ATXN8OS: variants seen among roughly 807,000 people sequenced by gnomAD.
ATXN8OS encodes the protein ATXN8 opposite strand (non-protein coding).
intron 4 of ATXN8OS, among the ~76,000 whole-genome samples, chr13:70,167,893 T>A (rs566440113): frequency 6.6e-6 from 1 of 151,746 alleles, no homozygotes; most frequent in African/African-American, 2.4e-5. Flanking sequence ...GTGCCGCCAC[T>A]CCTGACTAAT....
intron 4 of ATXN8OS, among the ~76,000 whole-genome samples, chr13:70,153,708 C>G (rs1888901402): frequency 1.3e-5 from 2 of 152,260 alleles, no homozygotes; most frequent in South Asian, 4.1e-4. Flanking sequence ...CACACAGGGT[C>G]TTGCTCTGTG....
At chr13:70,149,927 G>A (rs1023508768) in intron 4 of ATXN8OS, among the ~76,000 whole-genome samples, 5 of 152,050 alleles carry the variant, frequency 3.3e-5, no homozygotes, top group Non-Finnish European at 7.4e-5. Context: ...AGGAAACAAT[G>A]AAGGCAGAGA....
intron 2 of ATXN8OS, among the ~76,000 whole-genome samples, chr13:70,124,893 T>C (rs2137478219): frequency 6.6e-6 from 1 of 151,682 alleles, no homozygotes; most frequent in South Asian, 2.1e-4. Flanking sequence ...TTCTTTATTC[T>C]CTTTCATTTA....
chr13:70,168,067 T>C (rs1043559876), intron 4 of ATXN8OS, among the ~76,000 whole-genome samples: 1 of 152,114 alleles, frequency 6.6e-6, no homozygotes, highest in Non-Finnish European at 1.5e-5. Context: ...CTTATAAGCA[T>C]TGGGCATTAC....
At chr13:70,118,599 A>T (rs8002227) in intron 2 of ATXN8OS, among the ~76,000 whole-genome samples, 74,106 of 151,832 alleles carry the variant, frequency 0.49, 18,454 homozygotes, top group East Asian at 0.68. Context: ...AAATTTTTTT[A>T]AAAAATTAAT....
At chr13:70,163,703 A>AT (rs1021750711) in intron 4 of ATXN8OS, among the ~76,000 whole-genome samples, 1 of 151,924 alleles carries the variant, frequency 6.6e-6, no homozygotes, top group African/African-American at 2.4e-5. Context: ...ATTTGAGGCT[A>AT]TTTTTTACAA....
rs200351603 is a variant in ATXN8OS at position 70,160,823 on chromosome 13, ATATATT to A, written n.574-8924_574-8919del. ...ATATTTATTATAAATATATATAAAT[ATATATT>A]TATATATATAAATATATTTATATTT... is the stretch of plus-strand genomic sequence containing the variant. On this transcript the variant is annotated intron_variant and non_coding_transcript_variant, in intron 4 of 4. Transcript: ENST00000678624. 5.2e-3 allele frequency among the ~76,000 whole-genome samples: 356 copies of A among 68,354 alleles called. 26 individuals are homozygous for A. Among genetic ancestry groups the A allele is most frequent in the African/African-American group, 8.4e-3 (222 of 26,314 alleles). The allele number at this position is 68,354 out of a possible 152,430, so 44.8% of individuals were successfully genotyped here.
intron 4 of ATXN8OS, among the ~76,000 whole-genome samples, chr13:70,153,620 A>C (rs1420098118): frequency 1.3e-5 from 2 of 152,144 alleles, no homozygotes; most frequent in African/African-American, 4.8e-5. Flanking sequence ...AAATTTTGGA[A>C]TTAGCATAAT....
At chr13:70,115,149 G>C (rs956846254) in exon 2 of ATXN8OS, 14 of 398,240 alleles carry the variant, frequency 3.5e-5, no homozygotes, top group Non-Finnish European at 5.8e-5. Context: ...AGTTCTGGAG[G>C]CTGGGAAGTT....
At chr13:70,128,787 T>C (rs1446502018) in intron 2 of ATXN8OS, among the ~76,000 whole-genome samples, 1 of 152,050 alleles carries the variant, frequency 6.6e-6, no homozygotes, top group Non-Finnish European at 1.5e-5. Flanking sequence ...CTTTAAGGTA[T>C]CTTATGTGTA....
chr13:70,146,832 T>C lies in ATXN8OS; in HGVS notation n.500-523T>C, dbSNP rs569011259. Among the ~76,000 whole-genome samples the C allele has an allele frequency of 4.6e-5, 7 of 152,104 alleles. No individual in the cohort carries two copies. In the South Asian group the frequency reaches 1.2e-3, roughly 27 times the overall value. ...TAATGCTAAATGACAAGTTAATGGG[T>C]GCAGCACACCAGCATGGCACATGTA... On this transcript the variant is annotated intron_variant and non_coding_transcript_variant, in intron 3 of 4. Transcript: ENST00000678624.
chr13:70,139,215 A>G (rs9542185), intron 3 of ATXN8OS: 9,033 of 446,678 alleles, frequency 0.02, 117 homozygotes, highest in Non-Finnish European at 0.027. Context: ...ATTCTCTACT[A>G]TTTCCTCATT....
rs112511849 is a variant in ATXN8OS at position 70,161,195 on chromosome 13, G to A, written n.574-8558G>A. Among the ~76,000 whole-genome samples, 1,051 of 151,596 alleles carry A rather than the reference G, an allele frequency of 6.9e-3. 11 individuals carry two copies. The highest frequency in any genetic ancestry group is 0.023 in the African/African-American group (938 of 41,310). On this transcript the variant is annotated intron_variant and non_coding_transcript_variant, in intron 4 of 4. Coordinates refer to ENST00000678624, the Ensembl canonical transcript of ATXN8OS. ...AGGTTAAACTGAAAAATTACCCACT[G>A]TCATACAGAGTGTTCCCATATAGCA...
chr13:70,147,089 C>CATATCCA (rs1339444122), intron 3 of ATXN8OS, among the ~76,000 whole-genome samples: 2 of 152,022 alleles, frequency 1.3e-5, no homozygotes, highest in Admixed American at 6.6e-5. Flanking sequence ...TGAAAAGCTA[C>CATATCCA]AAGTGGATTC....
chr13:70,138,868 G>A (rs536778989), intron 3 of ATXN8OS, among the ~76,000 whole-genome samples: 8 of 152,058 alleles, frequency 5.3e-5, no homozygotes, highest in Admixed American at 3.9e-4. Flanking sequence ...TTTATACCAA[G>A]TAGTTATAGT....
At chr13:70,118,399 T>C (rs1021477175) in intron 2 of ATXN8OS, among the ~76,000 whole-genome samples, 1 of 152,058 alleles carries the variant, frequency 6.6e-6, no homozygotes, top group African/African-American at 2.4e-5. Flanking sequence ...ACTGGGTATA[T>C]GGAATTTATG....
Position 70,128,110 on chromosome 13 carries a change from T to G in ATXN8OS, n.399-1674T>G, listed in dbSNP as rs552897430. Among the ~76,000 whole-genome samples the G allele has an allele frequency of 3.3e-5, 5 of 152,256 alleles. No individual in the cohort carries two copies. In the South Asian group the frequency reaches 1.0e-3, roughly 32 times the overall value. ...AAAACAGTTTATAGAAGGTTTACAT[T>G]AATTGAAAAATAACCTTTTGTCATA... On this transcript the variant is annotated intron_variant and non_coding_transcript_variant, in intron 2 of 4. Coordinates refer to ENST00000678624, the Ensembl canonical transcript of ATXN8OS.
At chr13:70,153,765 G>A (rs1221439332) in intron 4 of ATXN8OS, among the ~76,000 whole-genome samples, 9 of 151,960 alleles carry the variant, frequency 5.9e-5, no homozygotes, top group Non-Finnish European at 1.0e-4. Context: ...CTGCAGCCTT[G>A]ACTTCCCAGG....
intron 3 of ATXN8OS, among the ~76,000 whole-genome samples, chr13:70,133,765 C>T (rs1391582863): frequency 6.6e-6 from 1 of 152,088 alleles, no homozygotes; most frequent in East Asian, 1.9e-4. Flanking sequence ...GGAGATGCTC[C>T]CCTACAGGAT....
Sources: allele counts gnomAD v4.1 joint callset (sites outside exome capture counted in the v4.1 genomes callset), GRCh38; gene constraint gnomAD v4.1.1; transcripts MANE v1.5; gene names NCBI Gene and HGNC (gene_info 2026-07-23, HGNC 2026-07-21).